STAC: variants seen among roughly 807,000 people sequenced by gnomAD.
STAC encodes the protein SH3 and cysteine rich domain, also known as SH3 and cysteine-rich domain-containing protein.
Under a neutral mutation model 48.8 loss-of-function variants are expected in STAC, and 43 were observed. That is an observed-to-expected ratio of 0.88 (90% CI 0.69 to 1.14). The LOEUF (loss-of-function observed/expected upper bound fraction) is 1.14, where lower values mean the gene tolerates loss of function less well. Among genes scored for constraint, STAC ranks in the 50% most tolerant of loss-of-function variants. The pLI, the probability that STAC is intolerant of heterozygous loss-of-function variation, is 0.00. For missense variants in STAC, 497 were observed against 504.0 expected (o/e 0.99, Z 0.13); for synonymous variants, 193 against 179.5 (o/e 1.07, Z -0.60).
At chr3:36,492,032 ATAT>A (rs1253739038) in intron 5 of STAC, among the ~76,000 whole-genome samples, 159 of 10,472 alleles carry the variant, frequency 0.015, 2 homozygotes, top group East Asian at 0.032. Context: ...AAAAAAAAAA[ATAT>A]ATATATATAT....
intron 1 of STAC, among the ~76,000 whole-genome samples, chr3:36,398,680 A>G (rs1379481845): frequency 6.7e-6 from 1 of 149,996 alleles, no homozygotes; most frequent in Non-Finnish European, 1.5e-5. Flanking sequence ...AAGGAAAGAA[A>G]GAAAGAAAGA....
intron 1 of STAC, among the ~76,000 whole-genome samples, chr3:36,428,975 G>C (rs947558693): frequency 1.3e-5 from 2 of 152,186 alleles, no homozygotes; most frequent in African/African-American, 4.8e-5. Flanking sequence ...CAGTTAGGGA[G>C]ACCTTGAGGA....
At chr3:36,517,351 T>C (rs1187234055) in intron 8 of STAC, among the ~76,000 whole-genome samples, 3 of 152,198 alleles carry the variant, frequency 2.0e-5, no homozygotes, top group Non-Finnish European at 4.4e-5. Flanking sequence ...AGCTCTTAAA[T>C]GCTGCTAAAA....
At chr3:36,397,758 C>T (rs770823057) in intron 1 of STAC, among the ~76,000 whole-genome samples, 19 of 152,154 alleles carry the variant, frequency 1.2e-4, no homozygotes, top group Non-Finnish European at 2.6e-4. Context: ...CACCCAAGTG[C>T]TCTTAGAATT....
chr3:36,398,104 A>T (rs1699890620), intron 1 of STAC, among the ~76,000 whole-genome samples: 2 of 152,028 alleles, frequency 1.3e-5, no homozygotes, highest in African/African-American at 4.8e-5. Context: ...CTAAATGAAG[A>T]GCCTGAATCT....
chr3:36,536,384 G>A (rs1252830385), intron 10 of STAC, among the ~76,000 whole-genome samples: 1 of 152,098 alleles, frequency 6.6e-6, no homozygotes, highest in African/African-American at 2.4e-5. Context: ...CATGGTACTG[G>A]TACAAAAACA....
Position 36,486,736 on chromosome 3 carries a change from G to A in STAC, c.687+487G>A, listed in dbSNP as rs553005941. Among the ~76,000 whole-genome samples, 4 of 152,308 alleles carry A rather than the reference G, an allele frequency of 2.6e-5. No individual in the cohort carries two copies. In the East Asian group the frequency reaches 7.7e-4, roughly 29 times the overall value. ...AAAAACTGCACTCTCAAAGTTACTTGAACTGTGACTCTGTGGGACACTCAC... is the reference window on the plus strand; with the variant it reads ...AAAAACTGCACTCTCAAAGTTACTTAAACTGTGACTCTGTGGGACACTCAC... On this transcript the variant is annotated intron_variant, in intron 5 of 10. Coordinates refer to ENST00000273183, the MANE Select transcript of STAC (RefSeq NM_003149.3).
intron 1 of STAC, among the ~76,000 whole-genome samples, chr3:36,385,771 C>A (rs1386128939): frequency 6.6e-6 from 1 of 152,082 alleles, no homozygotes; most frequent in Non-Finnish European, 1.5e-5. Context: ...TTATGCCTGA[C>A]TTCTTTCACT....
intron 1 of STAC, among the ~76,000 whole-genome samples, chr3:36,435,954 G>A (rs1175727585): frequency 2.6e-5 from 4 of 151,918 alleles, no homozygotes; most frequent in Admixed American, 2.0e-4. Flanking sequence ...CTAAATACTG[G>A]AATGCCCCAG....
intron 1 of STAC, among the ~76,000 whole-genome samples, chr3:36,420,501 C>A (rs1241338019): frequency 1.3e-5 from 2 of 152,204 alleles, no homozygotes; most frequent in Non-Finnish European, 2.9e-5. Flanking sequence ...ACCGCCTGAG[C>A]TCTGCCTCCT....
rs1056710408 is a variant in STAC, at chr3:36,432,836, T to C, written c.112-10528T>C. Reference sequence around the variant, plus strand: ...ATTATTTAACTTCTTTCTACCACCCTCTCCTTATCCATAAAATAGGGACAA... The same window carrying C: ...ATTATTTAACTTCTTTCTACCACCCCCTCCTTATCCATAAAATAGGGACAA... On this transcript the variant is annotated intron_variant, in intron 1 of 10. Transcript: ENST00000273183. Among the ~76,000 whole-genome samples the C allele has an allele frequency of 2.6e-5, 4 of 152,164 alleles. No homozygotes were observed. In the East Asian group the frequency reaches 7.7e-4, roughly 29 times the overall value.
intron 1 of STAC, among the ~76,000 whole-genome samples, chr3:36,429,017 AT>A (rs886478147): frequency 2.0e-5 from 3 of 152,184 alleles, no homozygotes; most frequent in African/African-American, 7.2e-5. Flanking sequence ...CAGATGTCAG[AT>A]TGGGATAATG....
chr3:36,420,463 G>A (rs955570988), intron 1 of STAC, among the ~76,000 whole-genome samples: 1 of 152,224 alleles, frequency 6.6e-6, no homozygotes, highest in African/African-American at 2.4e-5. Context: ...CTACACAGCA[G>A]GAGGTGAGTG....
chr3:36,438,490 C>A (rs1696223057), intron 1 of STAC, among the ~76,000 whole-genome samples: 1 of 152,150 alleles, frequency 6.6e-6, no homozygotes, highest in Non-Finnish European at 1.5e-5. Context: ...TCTCATCTGG[C>A]CTCTGCTCTT....
intron 1 of STAC, among the ~76,000 whole-genome samples, chr3:36,432,505 C>T (rs1700729382): frequency 6.6e-6 from 1 of 152,008 alleles, no homozygotes; most frequent in Non-Finnish European, 1.5e-5. Context: ...AGTTCAAGAC[C>T]AGCCTGGCCA....
intron 1 of STAC, among the ~76,000 whole-genome samples, chr3:36,415,353 A>C (rs774444494): frequency 2.6e-5 from 4 of 152,156 alleles, no homozygotes; most frequent in South Asian, 2.1e-4. Context: ...TTACCTACTC[A>C]AGCCTCAGCA....
chr3:36,389,255 G>A (rs1462758828), intron 1 of STAC, among the ~76,000 whole-genome samples: 1 of 152,136 alleles, frequency 6.6e-6, no homozygotes, highest in East Asian at 1.9e-4. Flanking sequence ...AAATGTATCT[G>A]TCACAGTTGT....
intron 1 of STAC, among the ~76,000 whole-genome samples, chr3:36,401,514 C>A (rs958937094): frequency 1.3e-5 from 2 of 152,192 alleles, no homozygotes; most frequent in African/African-American, 4.8e-5. Context: ...GAAGCCCGCA[C>A]TGGCTGCTTT....
intron 2 of STAC, among the ~76,000 whole-genome samples, chr3:36,478,824 T>C (rs1383029380): frequency 2.0e-5 from 3 of 152,308 alleles, no homozygotes; most frequent in Middle Eastern, 6.8e-3. Flanking sequence ...AGTTTCACCA[T>C]GTTGCCCAGA....
Sources: gnomAD v4.1 joint callset for allele counts (sites outside exome capture counted in the v4.1 genomes callset) on GRCh38, gnomAD v4.1.1 for gene constraint, MANE v1.5 for transcripts, NCBI Gene and HGNC (gene_info 2026-07-23, HGNC 2026-07-21) for gene names.